ERGIC1: variants seen among roughly 807,000 people sequenced by gnomAD.
The protein encoded by ERGIC1 is endoplasmic reticulum-golgi intermediate compartment 1.
In ERGIC1, 19 loss-of-function variants were observed where a neutral mutation model predicts 38.3. That is an observed-to-expected ratio of 0.50 (90% confidence interval 0.35 to 0.73). The LOEUF is 0.73. ERGIC1 is among the 30% of genes least tolerant of loss of function. The pLI, the probability that ERGIC1 is intolerant of heterozygous loss-of-function variation, is 0.01. For synonymous variants in ERGIC1, 124 were observed against 157.6 expected, an observed-to-expected ratio of 0.79 and a Z score of 1.60; for missense variants, 294 against 389.2, an observed-to-expected ratio of 0.76 and a Z score of 2.06.
intron 1 of ERGIC1, among the ~76,000 whole-genome samples, chr5:172,849,750 C>T (rs189818650): frequency 6.6e-6 from 1 of 152,326 alleles, no homozygotes; most frequent in East Asian, 1.9e-4. Context: ...CCTCTCTGTC[C>T]TGGTGCATAG....
At chr5:172,884,000 G>A (rs969240314) in intron 1 of ERGIC1, among the ~76,000 whole-genome samples, 9 of 152,018 alleles carry the variant, frequency 5.9e-5, no homozygotes, top group Admixed American at 2.0e-4. Flanking sequence ...TCAAAAAGAC[G>A]ATGTCTGCCA....
chr5:172,852,731 G>T (rs892301744), intron 1 of ERGIC1, among the ~76,000 whole-genome samples: 14 of 152,258 alleles, frequency 9.2e-5, no homozygotes, highest in African/African-American at 3.1e-4. Context: ...TCATCAGCGG[G>T]GATGGTAATG....
chr5:172,858,881 G>A (rs983835615), intron 1 of ERGIC1, among the ~76,000 whole-genome samples: 2 of 152,202 alleles, frequency 1.3e-5, no homozygotes, highest in Admixed American at 1.3e-4. Flanking sequence ...TGGGTAACAC[G>A]GGGGAGATTA....
intron 1 of ERGIC1, among the ~76,000 whole-genome samples, chr5:172,865,495 A>G (rs559844198): frequency 6.6e-6 from 1 of 152,182 alleles, no homozygotes; most frequent in East Asian, 1.9e-4. Flanking sequence ...CAGATTGTAA[A>G]GTGTTCTTAT....
chr5:172,857,391 C>T (rs1238495916), intron 1 of ERGIC1, among the ~76,000 whole-genome samples: 1 of 152,170 alleles, frequency 6.6e-6, no homozygotes, highest in Non-Finnish European at 1.5e-5. Context: ...CAAGGAGATG[C>T]TTATAAATAT....
At chr5:172,930,619 A>G (rs903026730) in intron 7 of ERGIC1, among the ~76,000 whole-genome samples, 1 of 152,222 alleles carries the variant, frequency 6.6e-6, no homozygotes, top group African/African-American at 2.4e-5. Flanking sequence ...CTGGGATTAC[A>G]GGCGTGAGCC....
chr5:172,931,820 T>C (rs1240952006), intron 7 of ERGIC1, among the ~76,000 whole-genome samples: 2 of 151,066 alleles, frequency 1.3e-5, no homozygotes, highest in Non-Finnish European at 2.9e-5. Context: ...ACTTGGTTCT[T>C]TTCCCTGTTG....
Position 172,847,498 on chromosome 5 carries a change from G to GAT in ERGIC1, c.20+13078_20+13079dup, listed in dbSNP as rs566520348. On this transcript the variant is annotated intron_variant, in intron 1 of 9. Coordinates refer to ENST00000393784, the MANE Select transcript of ERGIC1 (RefSeq NM_001031711.3). ...TTTGGCAGATTCCTAAACAGCATGT[G>GAT]ATATATATATATATTTTTTGTTGTT... Among the ~76,000 whole-genome samples the GAT allele has an allele frequency of 4.5e-4, 68 of 151,706 alleles. 1 individual carries two copies. The East Asian group carries it at 8.1e-3, about 18-fold the overall frequency.
At chr5:172,935,343 A>G in intron 9 of ERGIC1, 33 bp downstream of exon 9, 2 of 1,613,304 alleles carry the variant, frequency 1.2e-6, no homozygotes, top group Non-Finnish European at 1.7e-6. Flanking sequence ...TGGGGCCCTG[A>G]GCCAGCCACC....
chr5:172,845,884 T>C (rs1761272658), intron 1 of ERGIC1, among the ~76,000 whole-genome samples: 1 of 151,934 alleles, frequency 6.6e-6, no homozygotes, highest in South Asian at 2.1e-4. Flanking sequence ...AGGTCCCACA[T>C]TTGCATTCAG....
Position 172,927,777 on chromosome 5 carries a change from C to T in ERGIC1, c.541+1208C>T, listed in dbSNP as rs140039285. ...TGTATTTTTAGTTGAGACAGGGTTT[C>T]ACCACGTTGGCCAGGCTGGTCTTGA... On this transcript the variant is annotated intron_variant, in intron 7 of 9. Transcript: ENST00000393784. Among the ~76,000 whole-genome samples, 688 of 152,280 alleles carry T rather than the reference C, an allele frequency of 4.5e-3. 7 individuals carry two copies. Among genetic ancestry groups the T allele is most frequent in the African/African-American group, 0.016 (649 of 41,556 alleles).
intron 3 of ERGIC1, 70 bp from the exon 4 acceptor site, chr5:172,909,597 C>T (rs572876807): frequency 1.5e-4 from 218 of 1,428,898 alleles, no homozygotes; most frequent in Non-Finnish European, 2.0e-4. Context: ...AAGTGATCCC[C>T]GGCTGTCCCC....
At chr5:172,888,069 C>A (rs512956) in intron 1 of ERGIC1, among the ~76,000 whole-genome samples, 80,534 of 152,060 alleles carry the variant, frequency 0.53, 21,432 homozygotes, top group African/African-American at 0.57. Context: ...AGTGCCTACT[C>A]TGCACCAGGC....
intron 6 of ERGIC1, among the ~76,000 whole-genome samples, chr5:172,924,507 G>A (rs890017633): frequency 1.3e-5 from 2 of 152,168 alleles, no homozygotes; most frequent in Admixed American, 6.5e-5. Context: ...TGTGTGGGGT[G>A]CGAGAGACCC....
chr5:172,894,173 T>C (rs1321788433), intron 2 of ERGIC1, among the ~76,000 whole-genome samples: 1 of 111,940 alleles, frequency 8.9e-6, no homozygotes, highest in Admixed American at 1.0e-4. Context: ...AACCTTTGAA[T>C]GCTTCCCCGG....
chr5:172,868,802 G>T (rs1210192667), intron 1 of ERGIC1, among the ~76,000 whole-genome samples: 4 of 152,204 alleles, frequency 2.6e-5, no homozygotes, highest in African/African-American at 9.7e-5. Context: ...GTGGGGACAG[G>T]CAGGATATGG....
chr5:172,949,325 C>T (rs934487566), intron 9 of ERGIC1, among the ~76,000 whole-genome samples: 1 of 152,174 alleles, frequency 6.6e-6, no homozygotes, highest in African/African-American at 2.4e-5. Flanking sequence ...CTTGCTGTGG[C>T]ATTGGACGAG....
In ERGIC1 at chr5:172,929,142, C is replaced by CAT. The variant is rs930458176; in HGVS notation, c.541+2584_541+2585dup. Among the ~76,000 whole-genome samples the CAT allele has an allele frequency of 4.2e-4, 61 of 143,606 alleles. 1 individual carries two copies. In the East Asian group the frequency reaches 0.01, roughly 24 times the overall value. 94.2% of individuals were successfully genotyped at this position (143,606 alleles called of 152,430 possible). On this transcript the variant is annotated intron_variant, in intron 7 of 9. Transcript: ENST00000393784. ...TATGTATACACATAATATGGGCTGT[C>CAT]ATATATATATATGTGTGTGTGTGTG...
intron 2 of ERGIC1, among the ~76,000 whole-genome samples, chr5:172,889,943 C>G (rs977604275): frequency 2.0e-5 from 3 of 152,192 alleles, no homozygotes; most frequent in African/African-American, 7.2e-5. Context: ...ATTTGGGATA[C>G]TCAACGTGTA....
Sources: allele counts gnomAD v4.1 joint callset (sites outside exome capture counted in the v4.1 genomes callset), GRCh38; gene constraint gnomAD v4.1.1; transcripts MANE v1.5; gene names NCBI Gene and HGNC (gene_info 2026-07-23, HGNC 2026-07-21).